TEX264: variants seen among roughly 807,000 people sequenced by gnomAD.
TEX264 encodes testis expressed 264, ER-phagy receptor, also known as testis-expressed protein 264.
In TEX264, 13 loss-of-function variants were observed where a neutral mutation model predicts 23.4. The ratio of observed to expected loss-of-function variants is 0.56; its 90% CI spans 0.36 to 0.88. TEX264 has a LOEUF of 0.88. TEX264 is among the 40% of genes least tolerant of loss of function. The probability of loss-of-function intolerance (pLI) is 0.01; values close to 1 mark genes in which losing one functional copy is unlikely to be tolerated. For missense variants in TEX264, 340 were observed against 406.8 expected, an observed-to-expected ratio of 0.84 and a Z score of 1.41; for synonymous variants, 159 against 170.0, an observed-to-expected ratio of 0.94 and a Z score of 0.50.
chr3:51,687,595 C>T (rs1702668712), intron 3 of TEX264, among the ~76,000 whole-genome samples: 1 of 152,338 alleles, frequency 6.6e-6, no homozygotes, highest in East Asian at 1.9e-4. Context: ...GCTGTGAAGG[C>T]TCTTCAAATG....
At chr3:51,676,226 G>C (rs1702222517) in intron 2 of TEX264, among the ~76,000 whole-genome samples, 2 of 152,238 alleles carry the variant, frequency 1.3e-5, no homozygotes, top group Admixed American at 1.3e-4. Flanking sequence ...CCTTCTGCAA[G>C]AAGAGTCCTT....
intron 3 of TEX264, among the ~76,000 whole-genome samples, chr3:51,698,228 G>A (rs562530508): frequency 2.0e-4 from 30 of 152,178 alleles, no homozygotes; most frequent in African/African-American, 7.2e-4. Flanking sequence ...GTTGAAGGAG[G>A]TTCCTCAACC....
chr3:51,680,242 G>A (rs575822667), intron 2 of TEX264, among the ~76,000 whole-genome samples: 1 of 152,294 alleles, frequency 6.6e-6, no homozygotes, highest in South Asian at 2.1e-4. Flanking sequence ...ACTACATTTG[G>A]TCTGGGCCGC....
intron 4 of TEX264, among the ~76,000 whole-genome samples, chr3:51,702,048 G>A (rs1703325561): frequency 6.6e-6 from 1 of 152,130 alleles, no homozygotes; most frequent in Non-Finnish European, 1.5e-5. Context: ...AACATTCCTA[G>A]CCTAGGAGCT....
chr3:51,701,823 G>A (rs773741947), intron 4 of TEX264, among the ~76,000 whole-genome samples: 8 of 151,870 alleles, frequency 5.3e-5, no homozygotes, highest in Non-Finnish European at 1.2e-4. Flanking sequence ...GTAGAGATGG[G>A]GTTTTGCCAT....
intron 2 of TEX264, among the ~76,000 whole-genome samples, chr3:51,676,823 A>G (rs1042057279): frequency 2.6e-5 from 4 of 152,150 alleles, no homozygotes; most frequent in African/African-American, 7.2e-5. Context: ...GCAAACCTAG[A>G]CCCTTGGCCT....
intron 2 of TEX264, 63 bp from the exon 3 acceptor site, chr3:51,684,350 G>A: frequency 2.0e-6 from 3 of 1,482,906 alleles, no homozygotes; most frequent in Non-Finnish European, 2.8e-6. Flanking sequence ...AGTCCCAGGA[G>A]GAAGGAGGTC....
At chr3:51,692,631 G>A (rs1341249285) in intron 3 of TEX264, among the ~76,000 whole-genome samples, 2 of 152,214 alleles carry the variant, frequency 1.3e-5, no homozygotes, top group Non-Finnish European at 2.9e-5. Flanking sequence ...CCTGCTGCTG[G>A]ATAATCATCA....
intron 2 of TEX264, among the ~76,000 whole-genome samples, chr3:51,679,373 G>A (rs1319672295): frequency 6.6e-6 from 1 of 152,178 alleles, no homozygotes; most frequent in African/African-American, 2.4e-5. Context: ...TAGGGACCCT[G>A]CCTGCCTCTC....
chr3:51,674,115 G>C (rs1438531336), intron 1 of TEX264, among the ~76,000 whole-genome samples, 156 bp from the exon 2 acceptor site: 1 of 152,218 alleles, frequency 6.6e-6, no homozygotes, highest in East Asian at 1.9e-4. Context: ...CTCCCTTCCA[G>C]GTCACTCTGT....
chr3:51,687,247 G>A (rs1702655197), intron 3 of TEX264, among the ~76,000 whole-genome samples: 1 of 152,230 alleles, frequency 6.6e-6, no homozygotes, highest in Non-Finnish European at 1.5e-5. Flanking sequence ...GGCTTGTTTT[G>A]GCAGCAGGGT....
chr3:51,694,028 TTCCTTCCTTCCTTCCTTCC>T (rs1702936754), intron 3 of TEX264, among the ~76,000 whole-genome samples: 1 of 138,452 alleles, frequency 7.2e-6, no homozygotes, highest in African/African-American at 3.0e-5. Context: ...CCTTCCTTCC[TTCCTTCCTTCCTTCCTTCC>T]TCCCTTCCCT....
At chr3:51,696,645 C>T (rs2107016985) in intron 3 of TEX264, among the ~76,000 whole-genome samples, 1 of 152,312 alleles carries the variant, frequency 6.6e-6, no homozygotes, top group East Asian at 1.9e-4. Context: ...GCTCAGTGGG[C>T]AGAGCATGCA....
At chr3:51,685,258 A>G (rs1323842785) in intron 3 of TEX264, among the ~76,000 whole-genome samples, 1 of 152,204 alleles carries the variant, frequency 6.6e-6, no homozygotes, top group Non-Finnish European at 1.5e-5. Flanking sequence ...CCTGTTACAC[A>G]TCCCTCCTCC....
At chr3:51,674,714 G>C in intron 2 of TEX264, 152 bp downstream of exon 2, 3 of 946,166 alleles carry the variant, frequency 3.2e-6, no homozygotes, top group Non-Finnish European at 1.5e-6. Context: ...GCACCTTCCA[G>C]ATTTAGCCTG....
intron 3 of TEX264, among the ~76,000 whole-genome samples, chr3:51,697,859 C>A (rs1243941933): frequency 2.6e-5 from 4 of 152,218 alleles, no homozygotes; most frequent in Non-Finnish European, 5.9e-5. Context: ...GGCATGGACT[C>A]TTGAGATGGA....
At chr3:51,671,849 C>G (rs766989411) in intron 1 of TEX264, 2 of 152,346 alleles carry the variant, frequency 1.3e-5, no homozygotes, top group Non-Finnish European at 2.9e-5. Flanking sequence ...CCGCCGCGCA[C>G]GTGAGCGGCA....
At chr3:51,692,389 T>C (rs1702860391) in intron 3 of TEX264, among the ~76,000 whole-genome samples, 1 of 152,162 alleles carries the variant, frequency 6.6e-6, no homozygotes, top group African/African-American at 2.4e-5. Flanking sequence ...TAGGAGAGGC[T>C]AGCTGTCTAG....
chr3:51,674,984 C>T (rs1473765773), intron 2 of TEX264, among the ~76,000 whole-genome samples: 3 of 152,212 alleles, frequency 2.0e-5, no homozygotes, highest in Admixed American at 6.5e-5. Context: ...TGCTTTCCAT[C>T]CCTCAGCTCT....
Sources: allele counts gnomAD v4.1 joint callset (sites outside exome capture counted in the v4.1 genomes callset), GRCh38; gene constraint gnomAD v4.1.1; transcripts MANE v1.5; gene names NCBI Gene and HGNC (gene_info 2026-07-23, HGNC 2026-07-21).